APELA: variants seen among roughly 807,000 people sequenced by gnomAD.
APELA encodes protein Elabela.
chr4:164,880,565 G>A (rs1730637003), intron 2 of APELA, among the ~76,000 whole-genome samples: 1 of 152,080 alleles, frequency 6.6e-6, no homozygotes, highest in South Asian at 2.1e-4. Context: ...TGAAATAATG[G>A]TAAAAATCTG....
At position 164,882,031 on chromosome 4, in the gene APELA, A is replaced by T. The variant is rs868804078; in HGVS notation, c.*1+3022A>T. On this transcript the variant is annotated intron_variant, in intron 2 of 2. Coordinates refer to ENST00000507152, the MANE Select transcript of APELA (RefSeq NM_001297550.2). ...CCAGCCTAGACTCTGTCTCTAAAAC[A>T]TTACTTACTTAATATGTACTCTAGA... Among the ~76,000 whole-genome samples the T allele has an allele frequency of 3.7e-4, 56 of 152,114 alleles. No homozygotes were observed. The Middle Eastern group carries it at 0.01, about 28-fold the overall frequency.
chr4:164,894,720 C>T (rs534043642), intron 2 of APELA, among the ~76,000 whole-genome samples: 10 of 152,152 alleles, frequency 6.6e-5, no homozygotes, highest in East Asian at 1.9e-4. Context: ...TATATTTTTT[C>T]GAGATGAGCT....
At chr4:164,898,335 C>G (rs1254237433), downstream of APELA, among the ~76,000 whole-genome samples, 1 of 151,144 alleles carries the variant, frequency 6.6e-6, no homozygotes, top group Non-Finnish European at 1.5e-5. Flanking sequence ...AACCCCATCT[C>G]TACTAAAAAT....
chr4:164,880,658 G>A (rs1428686019), intron 2 of APELA, among the ~76,000 whole-genome samples: 1 of 152,142 alleles, frequency 6.6e-6, no homozygotes, highest in Non-Finnish European at 1.5e-5. Context: ...TTTCACAATA[G>A]CAAGAGAATT....
chr4:164,881,954 G>A (rs77860024), intron 2 of APELA, among the ~76,000 whole-genome samples: 2,901 of 151,992 alleles, frequency 0.019, 84 homozygotes, highest in African/African-American at 0.066. Flanking sequence ...CCTCCAGGGA[G>A]GATCATTTGA....
intron 2 of APELA, among the ~76,000 whole-genome samples, chr4:164,887,509 C>G (rs1472502320): frequency 6.6e-6 from 1 of 152,114 alleles, no homozygotes; most frequent in South Asian, 2.1e-4. Context: ...AGTCAATGCT[C>G]TCATGATTTT....
chr4:164,889,447 T>C (rs551086467), intron 2 of APELA, among the ~76,000 whole-genome samples: 3 of 152,372 alleles, frequency 2.0e-5, no homozygotes, highest in Admixed American at 6.5e-5. Context: ...TTTAATATTG[T>C]ATAAATATGA....
intron 2 of APELA, among the ~76,000 whole-genome samples, chr4:164,892,746 T>C (rs1205112194): frequency 6.6e-6 from 1 of 152,190 alleles, no homozygotes; most frequent in Non-Finnish European, 1.5e-5. Flanking sequence ...GTGGTTCTTT[T>C]TGGAAAGTTT....
At chr4:164,887,243 T>C (rs1730792372) in intron 2 of APELA, among the ~76,000 whole-genome samples, 1 of 152,204 alleles carries the variant, frequency 6.6e-6, no homozygotes, top group Non-Finnish European at 1.5e-5. Flanking sequence ...AATTTCTTTT[T>C]AGCATAAATC....
At chr4:164,886,939 G>T (rs944621352) in intron 2 of APELA, among the ~76,000 whole-genome samples, 4 of 151,672 alleles carry the variant, frequency 2.6e-5, no homozygotes, top group Non-Finnish European at 5.9e-5. Context: ...AGTTCTCCTG[G>T]CTCAGCCTCC....
intron 2 of APELA, among the ~76,000 whole-genome samples, chr4:164,894,409 CTTT>C (rs1044247901): frequency 4.8e-4 from 72 of 151,408 alleles, no homozygotes; most frequent in African/African-American, 1.4e-3. Flanking sequence ...TTCTTTTCTT[CTTT>C]ATTTTTTTAT....
chr4:164,880,382 G>C (rs1028433627), intron 2 of APELA, among the ~76,000 whole-genome samples: 3 of 152,168 alleles, frequency 2.0e-5, no homozygotes, highest in Non-Finnish European at 4.4e-5. Context: ...ATTAATCTTT[G>C]TTATCAAAAT....
At chr4:164,884,365 C>T (rs1730728453) in intron 2 of APELA, among the ~76,000 whole-genome samples, 1 of 152,196 alleles carries the variant, frequency 6.6e-6, no homozygotes, top group Admixed American at 6.5e-5. Flanking sequence ...ATTTTCAACA[C>T]ATTGTTCCCC....
chr4:164,884,939 T>G (rs1730739427), intron 2 of APELA, among the ~76,000 whole-genome samples: 1 of 152,164 alleles, frequency 6.6e-6, no homozygotes, highest in African/African-American at 2.4e-5. Flanking sequence ...ATATACCCAC[T>G]TTTGCTCTCA....
chr4:164,898,602 T>C (rs1731020846), downstream of APELA: 1 of 151,830 alleles, frequency 6.6e-6, no homozygotes, highest in African/African-American at 2.4e-5. Flanking sequence ...AGGGGATCAG[T>C]AGTAATGGTG....
intron 2 of APELA, among the ~76,000 whole-genome samples, chr4:164,883,484 CTTTTTCT>C (rs1730699962): frequency 7.7e-6 from 1 of 129,368 alleles, no homozygotes. Context: ...TCTAGTCTTT[CTTTTTCT>C]TTTTTTTTTT....
chr4:164,898,653 C>T (rs1219324735), downstream of APELA: 6 of 152,058 alleles, frequency 3.9e-5, no homozygotes. Context: ...AGTGAATAGA[C>T]CAGATGGAGG....
At chr4:164,892,280 C>T (rs901073863) in intron 2 of APELA, among the ~76,000 whole-genome samples, 2 of 152,070 alleles carry the variant, frequency 1.3e-5, no homozygotes, top group African/African-American at 4.8e-5. Flanking sequence ...GTGATCAAAC[C>T]ACTGCATTCT....
intron 2 of APELA, among the ~76,000 whole-genome samples, chr4:164,892,613 G>A (rs7349710): frequency 6.6e-6 from 1 of 152,094 alleles, no homozygotes; most frequent in Non-Finnish European, 1.5e-5. Context: ...TCTGATTTTG[G>A]TATTGGGTAA....
Sources: gnomAD v4.1 joint callset for allele counts (sites outside exome capture counted in the v4.1 genomes callset) on GRCh38, gnomAD v4.1.1 for gene constraint, MANE v1.5 for transcripts, NCBI Gene and HGNC (gene_info 2026-07-23, HGNC 2026-07-21) for gene names.